Variants in EML5 observed in about 807,000 individuals in gnomAD.
The protein encoded by EML5 is EMAP like 5, also known as echinoderm microtubule-associated protein-like 5.
In EML5, 120 loss-of-function variants were observed where a neutral mutation model predicts 250.0. The observed-to-expected ratio is 0.48, with a 90% CI of 0.41 to 0.56. The LOEUF is 0.56. EML5 is among the 20% of genes least tolerant of loss of function. The probability of loss-of-function intolerance (pLI) is 0.00; values close to 1 mark genes in which losing one functional copy is unlikely to be tolerated. For missense variants in EML5, 2,006 were observed against 2,437.6 expected (o/e 0.82, Z 3.73); for synonymous variants, 771 against 806.5 (o/e 0.96, Z 0.75).
chr14:88,697,149 C>T (rs1338068911), intron 14 of EML5, among the ~76,000 whole-genome samples, 197 bp from the exon 15 acceptor site: 1 of 152,086 alleles, frequency 6.6e-6, no homozygotes, highest in Non-Finnish European at 1.5e-5. Context: ...AGGCTAGGCT[C>T]AGTGTTTCCA....
Position 88,715,079 on chromosome 14 carries a change from T to C in EML5, c.1304A>G (p.Tyr435Cys). Residue 435 changes from tyrosine (Y) to cysteine (C), a missense_variant, in exon 9 of 44, where the codon TAT (tyrosine) becomes TGT (cysteine). Tyr to Cys is a radical substitution (Grantham distance 194). Coordinates refer to ENST00000554922, the MANE Select transcript of EML5 (RefSeq NM_183387.3). ...TTTTTTATAACGCTGAGCAACTCCA[T>C]AAATATCAACCGAGCTGTCATTGCA... The part of the protein sequence containing the change: ...VGCNDSSVDI[Y>C]GVAQRYKKVG... The C allele has an allele frequency of 6.2e-7, 1 of 1,613,874 alleles. No individual in the cohort carries two copies. Among genetic ancestry groups the C allele is most frequent in the Non-Finnish European group, 8.5e-7 (1 of 1,179,826 alleles).
At chr14:88,784,957 G>T (rs1472410608) in intron 1 of EML5, among the ~76,000 whole-genome samples, 1 of 152,168 alleles carries the variant, frequency 6.6e-6, no homozygotes, top group Non-Finnish European at 1.5e-5. Context: ...TCTATCAACA[G>T]ATGAATGGAT....
At chr14:88,655,368 G>A (rs867624335) in intron 27 of EML5, among the ~76,000 whole-genome samples, 16 of 152,056 alleles carry the variant, frequency 1.1e-4, no homozygotes, top group Admixed American at 8.5e-4. Flanking sequence ...GTAAAAACAA[G>A]CAATGAGAAA....
At chr14:88,777,470 C>T (rs1424781415) in intron 1 of EML5, among the ~76,000 whole-genome samples, 2 of 152,108 alleles carry the variant, frequency 1.3e-5, no homozygotes, top group African/African-American at 4.8e-5. Flanking sequence ...CATTAATGAG[C>T]AATAAGTAAT....
intron 21 of EML5, among the ~76,000 whole-genome samples, chr14:88,666,503 G>A (rs2092310150): frequency 6.6e-6 from 1 of 152,130 alleles, no homozygotes; most frequent in Admixed American, 6.5e-5. Context: ...TGGGATTACA[G>A]GCATGAGCCA....
intron 29 of EML5, among the ~76,000 whole-genome samples, chr14:88,645,169 G>A (rs2091284812): frequency 6.6e-6 from 1 of 151,676 alleles, no homozygotes; most frequent in South Asian, 2.1e-4. Context: ...GGAACAACAA[G>A]CGTGCACCAC....
chr14:88,676,637 G>T (rs561690115), intron 21 of EML5, among the ~76,000 whole-genome samples: 2 of 152,120 alleles, frequency 1.3e-5, no homozygotes, highest in East Asian at 3.9e-4. Context: ...AACTACTTTA[G>T]AATTCATATG....
chr14:88,792,632 C>T lies in EML5; in HGVS notation c.-129G>A. The T allele has an allele frequency of 5.2e-6, 6 of 1,161,196 alleles. No individual in the cohort carries two copies. Among genetic ancestry groups the T allele is most frequent in the Non-Finnish European group, 6.4e-6 (6 of 943,776 alleles). 71.9% of individuals were successfully genotyped at this position (1,161,196 alleles called of 1,614,324 possible). A position where few individuals can be genotyped will look rare whatever the true frequency, so the allele number is the denominator to read the frequency against. On this transcript the variant is annotated 5_prime_UTR_variant, in exon 1 of 44. Coordinates refer to ENST00000554922, the MANE Select transcript of EML5 (RefSeq NM_183387.3). This position sits in a 1 kb window ranked among gnomAD's most constrained non-coding sequence, Gnocchi z 6.9. Reference sequence around the variant, plus strand: ...CCAGCCGCGTCCTCTAAGCCGCGCCCGTCAGGTGCATCTCGTTTCGGGGGC... The same window carrying T: ...CCAGCCGCGTCCTCTAAGCCGCGCCTGTCAGGTGCATCTCGTTTCGGGGGC...
At chr14:88,677,741 T>C (rs1243177618) in intron 21 of EML5, among the ~76,000 whole-genome samples, 3 of 152,102 alleles carry the variant, frequency 2.0e-5, no homozygotes, top group Non-Finnish European at 2.9e-5. Context: ...CAAAACCACA[T>C]TGAGATACCA....
chr14:88,672,325 G>T (rs2092484515), intron 21 of EML5, among the ~76,000 whole-genome samples: 1 of 152,044 alleles, frequency 6.6e-6, no homozygotes, highest in South Asian at 2.1e-4. Context: ...TTAAGGCAGA[G>T]ATCAAGAAGT....
intron 8 of EML5, among the ~76,000 whole-genome samples, chr14:88,724,114 CA>C (rs5810422): frequency 2.2e-3 from 317 of 145,216 alleles, no homozygotes; most frequent in Non-Finnish European, 3.5e-3. Flanking sequence ...ACTAAAAATA[CA>C]AAAAAAAAAA....
At chr14:88,708,611 T>C (rs1310337024) in intron 10 of EML5, among the ~76,000 whole-genome samples, 1 of 152,100 alleles carries the variant, frequency 6.6e-6, no homozygotes, top group Non-Finnish European at 1.5e-5. Flanking sequence ...GGCATGAACA[T>C]GATTCCAACC....
rs1325298305 is a variant in EML5, at chr14:88,627,664, T to C, written c.4513A>G (p.Ile1505Val). Residue 1505 changes from isoleucine (I) to valine (V), a missense_variant, in exon 34 of 44, where the codon ATT (isoleucine) becomes GTT (valine). This residue lies in a region of EML5 where 405 missense variants were observed against 523.3 expected (regional missense o/e 0.77). Coordinates refer to ENST00000554922, the MANE Select transcript of EML5 (RefSeq NM_183387.3). ...VGLDPEHTITIWRWQEGAKIA... is the reference protein window; with the variant it reads ...VGLDPEHTITVWRWQEGAKIA... ...ATCCTACCTTCCTGCCATCTCCAAA[T>C]GGTAATAGTATGTTCTGGGTCTAGT... 3.1e-6 allele frequency: 5 copies of C among 1,600,036 alleles called. No individual in the cohort carries two copies. The African/African-American group carries it at 6.7e-5, about 22-fold the overall frequency.
At chr14:88,774,446 A>G (rs747933385) in intron 1 of EML5, among the ~76,000 whole-genome samples, 28 of 152,198 alleles carry the variant, frequency 1.8e-4, no homozygotes, top group Non-Finnish European at 3.1e-4. Context: ...GTGTACCAAT[A>G]ATGACATGAC....
chr14:88,786,464 T>A (rs767115270), intron 1 of EML5, among the ~76,000 whole-genome samples: 6 of 152,212 alleles, frequency 3.9e-5, no homozygotes, highest in Non-Finnish European at 7.3e-5. Flanking sequence ...CAGTAAATAT[T>A]TGCTGAAAGA....
chr14:88,744,817 A>T lies in EML5; in HGVS notation c.457-726T>A, dbSNP rs541124163. Among the ~76,000 whole-genome samples, 22 of 152,116 alleles carry T rather than the reference A, an allele frequency of 1.4e-4. No homozygotes were observed. In the East Asian group the frequency reaches 2.5e-3, roughly 17 times the overall value. ...TGACACCTTATCAACCTACCTCTAA[A>T]AGGTTTACATTTTTGGTATACTAAA... On this transcript the variant is annotated intron_variant, in intron 3 of 43. Coordinates refer to ENST00000554922, the MANE Select transcript of EML5 (RefSeq NM_183387.3).
At chr14:88,626,239 C>G (rs1186066113) in intron 35 of EML5, 2 of 152,296 alleles carry the variant, frequency 1.3e-5, no homozygotes, top group African/African-American at 4.8e-5. Flanking sequence ...TGAAGAACTA[C>G]TAGGAAGACA....
intron 1 of EML5, among the ~76,000 whole-genome samples, chr14:88,756,536 A>G (rs1436395404): frequency 6.6e-6 from 1 of 152,166 alleles, no homozygotes; most frequent in Admixed American, 6.5e-5. Flanking sequence ...AAGTAAAAGT[A>G]AAGATCTCTA....
chr14:88,739,824 A>G (rs2093898652), intron 5 of EML5, among the ~76,000 whole-genome samples: 1 of 152,202 alleles, frequency 6.6e-6, no homozygotes, highest in African/African-American at 2.4e-5. Context: ...AAAAAAGAAA[A>G]GGGTAGGAAA....
Sources: allele counts gnomAD v4.1 joint callset (sites outside exome capture counted in the v4.1 genomes callset), GRCh38; gene constraint gnomAD v4.1.1; regional missense constraint gnomAD v4.1.1; non-coding constraint Gnocchi (gnomAD v3.1); transcripts MANE v1.5; gene names NCBI Gene and HGNC (gene_info 2026-07-23, HGNC 2026-07-21).